Variants in PSD2 observed in about 807,000 individuals in gnomAD.
The protein encoded by PSD2 is PH and SEC7 domain-containing protein 2.
In PSD2, 38 loss-of-function variants were observed where a neutral mutation model predicts 69.8. That is an observed-to-expected ratio of 0.54 (90% confidence interval 0.42 to 0.71). PSD2 has a LOEUF of 0.71. Among genes scored for constraint, PSD2 ranks in the 30% least tolerant of loss-of-function variants. The pLI is 0.00. For synonymous variants in PSD2, 412 were observed against 423.0 expected (o/e 0.97, Z 0.32); for missense variants, 943 against 1,014.5 (o/e 0.93, Z 0.96).
Position 139,831,961 on chromosome 5 carries a change from C to T in PSD2, c.1270-1741C>T, listed in dbSNP as rs545663428. Among the ~76,000 whole-genome samples, 69 of 152,282 alleles carry T rather than the reference C, an allele frequency of 4.5e-4. 1 individual carries two copies. The highest frequency in any genetic ancestry group is 1.5e-3 in the African/African-American group (63 of 41,544). ...CTCCAATCCTAAGAGGCCACTTAGCCGCTCAGCCCCTGGCCACTGCTGGGA... is the reference window on the plus strand; with the variant it reads ...CTCCAATCCTAAGAGGCCACTTAGCTGCTCAGCCCCTGGCCACTGCTGGGA... On this transcript the variant is annotated intron_variant, in intron 7 of 14. Coordinates refer to ENST00000274710, the MANE Select transcript of PSD2 (RefSeq NM_032289.4).
chr5:139,829,852 G>T (rs1348429012), intron 7 of PSD2, among the ~76,000 whole-genome samples: 1 of 152,118 alleles, frequency 6.6e-6, no homozygotes, highest in Non-Finnish European at 1.5e-5. Flanking sequence ...TATATACCTA[G>T]GATTGACTTG....
Position 139,840,048 on chromosome 5 carries a change from G to T in PSD2, c.1990G>T (p.Glu664Ter). 6.2e-7 allele frequency: 1 copy of T among 1,614,240 alleles called. No homozygotes were observed. Among genetic ancestry groups the T allele is most frequent in the Non-Finnish European group, 8.5e-7 (1 of 1,180,036 alleles). ...LCQEEQLRSH[E>*]NKLRQLTAEL... ...GCAGGAGGAGCAACTGCGGTCTCAT[G>T]AGAATAAGTTGAGGCAGCTGACTGC... Residue 664 changes from glutamate (E) to a stop codon, truncating the protein, a stop_gained, in exon 14 of 15, where the codon GAG becomes TAG. Transcript: ENST00000274710. LOFTEE classifies it high-confidence loss of function.
chr5:139,811,645 A>G (rs979161227), intron 2 of PSD2, among the ~76,000 whole-genome samples: 1 of 151,572 alleles, frequency 6.6e-6, no homozygotes, highest in Non-Finnish European at 1.5e-5. Context: ...CCCAGGCTGG[A>G]GTGCTGTGGC....
chr5:139,809,904 T>G (rs1298531037), intron 2 of PSD2, 93 bp downstream of exon 2: 13 of 1,361,392 alleles, frequency 9.5e-6, no homozygotes, highest in Non-Finnish European at 1.3e-5. Context: ...CCGGTTCTTG[T>G]TTTTCTCACA....
At chr5:139,790,661 C>G in the PSD2 span, among the ~76,000 whole-genome samples, 8 of 152,124 alleles carry the variant, frequency 5.3e-5, no homozygotes, top group African/African-American at 1.9e-4. Flanking sequence ...GAAGCTAAGA[C>G]CAGGCCTGTG....
chr5:139,838,720 TGAA>T lies in PSD2; in HGVS notation c.1921_1923del (p.Lys641del). ...GCCTTCCCAGCCGCTGTCAGCTCCA[TGAA>T]GAAGTTCTGTCGGCCCCTGCTGCCC... On this transcript the variant is annotated inframe_deletion, in exon 13 of 15. Transcript: ENST00000274710. 4 of 1,613,954 alleles carry T rather than the reference TGAA, an allele frequency of 2.5e-6. No individual in the cohort carries two copies. Among genetic ancestry groups the T allele is most frequent in the Non-Finnish European group, 2.5e-6 (3 of 1,179,944 alleles).
the PSD2 span, among the ~76,000 whole-genome samples, chr5:139,750,357 A>G: frequency 6.6e-6 from 1 of 152,006 alleles, no homozygotes; most frequent in Admixed American, 6.6e-5. Context: ...AAAAAACCCA[A>G]AATATGAATA....
intron 14 of PSD2, among the ~76,000 whole-genome samples, chr5:139,840,496 C>A (rs1192819230): frequency 2.0e-5 from 3 of 152,120 alleles, no homozygotes; most frequent in Non-Finnish European, 4.4e-5. Flanking sequence ...CTGGGCATTG[C>A]AAAACGTTTT....
intron 5 of PSD2, among the ~76,000 whole-genome samples, chr5:139,821,681 C>T (rs1004643685): frequency 3.3e-5 from 5 of 152,204 alleles, no homozygotes; most frequent in Non-Finnish European, 7.3e-5. Context: ...AGGACTGAAA[C>T]TCTAAAGCTT....
chr5:139,778,146 T>A, the PSD2 span, among the ~76,000 whole-genome samples: 1 of 152,198 alleles, frequency 6.6e-6, no homozygotes, highest in Non-Finnish European at 1.5e-5. Context: ...GCCCAATTAG[T>A]GGCACTCGAG....
At chr5:139,831,742 A>G (rs1055632797) in intron 7 of PSD2, among the ~76,000 whole-genome samples, 3 of 152,202 alleles carry the variant, frequency 2.0e-5, no homozygotes, top group African/African-American at 4.8e-5. Context: ...TTGTTGCTCT[A>G]CATAGTCGAT....
At chr5:139,787,826 A>G in the PSD2 span, among the ~76,000 whole-genome samples, 1 of 152,160 alleles carries the variant, frequency 6.6e-6, no homozygotes, top group Non-Finnish European at 1.5e-5. Flanking sequence ...ACCATGGGAT[A>G]GTTGGGGAGC....
chr5:139,780,441 TG>T, the PSD2 span, among the ~76,000 whole-genome samples: 1 of 152,178 alleles, frequency 6.6e-6, no homozygotes, highest in South Asian at 2.1e-4. Flanking sequence ...TTCTTTTTTT[TG>T]TTGTTGTTGT....
chr5:139,787,703 CTGTT>C, the PSD2 span, among the ~76,000 whole-genome samples: 10 of 152,232 alleles, frequency 6.6e-5, no homozygotes, highest in Non-Finnish European at 1.3e-4. Context: ...GCTGGGCGGC[CTGTT>C]GAATCTCGGC....
At chr5:139,792,859 TTTCCTTCC>T (rs141834556), upstream of PSD2, among the ~76,000 whole-genome samples, 12,936 of 107,772 alleles carry the variant, frequency 0.12, 843 homozygotes, top group East Asian at 0.18. Flanking sequence ...TCTTTCTGTC[TTTCCTTCC>T]TTCCTTCCTT....
At chr5:139,764,020 A>T in the PSD2 span, among the ~76,000 whole-genome samples, 7 of 152,208 alleles carry the variant, frequency 4.6e-5, no homozygotes, top group Non-Finnish European at 1.0e-4. Context: ...TCTGGTGAAT[A>T]GATGAGCTCT....
At chr5:139,830,333 C>G (rs976188817) in intron 7 of PSD2, among the ~76,000 whole-genome samples, 3 of 143,714 alleles carry the variant, frequency 2.1e-5, no homozygotes, top group Admixed American at 6.9e-5. Context: ...TTTTTCATCT[C>G]TTGATAGTGT....
intron 7 of PSD2, among the ~76,000 whole-genome samples, chr5:139,832,027 G>A (rs1333292972): frequency 6.6e-6 from 1 of 151,980 alleles, no homozygotes; most frequent in Non-Finnish European, 1.5e-5. Context: ...TCTTTCTGGG[G>A]TCACCTCTCC....
In PSD2 at chr5:139,821,948, C is replaced by T. The variant is rs201416891; in HGVS notation, c.1153C>T (p.Leu385Phe). ...GGAGACACAAGAGCGTGAGCGGGTC[C>T]TCACACACTTCTCCCGCCGGTACTG... ...MGETQERERV[L>F]THFSRRYCQC... Residue 385 changes from leucine (L) to phenylalanine (F), a missense_variant, in exon 6 of 15, where the codon CTC (leucine) becomes TTC (phenylalanine). Leu to Phe is a conservative substitution (Grantham distance 22). This residue lies in a region of PSD2 where 312 missense variants were observed against 400.7 expected (regional missense o/e 0.78). Coordinates refer to ENST00000274710, the MANE Select transcript of PSD2 (RefSeq NM_032289.4). 10 of 1,611,244 alleles carry T rather than the reference C, an allele frequency of 6.2e-6. No homozygotes were observed. In the Admixed American group the frequency reaches 8.4e-5, roughly 13 times the overall value.
Sources: allele counts gnomAD v4.1 joint callset (sites outside exome capture counted in the v4.1 genomes callset), GRCh38; gene constraint gnomAD v4.1.1; regional missense constraint gnomAD v4.1.1; transcripts MANE v1.5; gene names NCBI Gene and HGNC (gene_info 2026-07-23, HGNC 2026-07-21).